The following PHF24 variants were observed in gnomAD, a reference collection of about 807,000 sequenced individuals.
The protein encoded by PHF24 is PHD finger protein 24.
PHF24 carries 25 observed loss-of-function variants against 42.6 expected under a neutral mutation model. The ratio of observed to expected loss-of-function variants is 0.59; its 90% CI spans 0.43 to 0.82. PHF24 has a LOEUF of 0.82. Among genes scored for constraint, PHF24 ranks in the 40% least tolerant of loss-of-function variants. PHF24 has a pLI of 0.00. For synonymous variants in PHF24, 185 were observed against 204.8 expected, an observed-to-expected ratio of 0.90 and a Z score of 0.83; for missense variants, 470 against 538.1, an observed-to-expected ratio of 0.87 and a Z score of 1.25.
the PHF24 span, among the ~76,000 whole-genome samples, chr9:34,682,621 G>T: frequency 1.3e-5 from 2 of 152,200 alleles, no homozygotes; most frequent in African/African-American, 4.8e-5. Context: ...GCCCCTTTCT[G>T]TGTTTGAGAA....
the PHF24 span, among the ~76,000 whole-genome samples, chr9:34,816,644 C>A: frequency 6.6e-6 from 1 of 152,224 alleles, no homozygotes; most frequent in Admixed American, 6.5e-5. Context: ...TATAAGGGCA[C>A]CAATCCCATT....
chr9:34,696,190 A>G, the PHF24 span, among the ~76,000 whole-genome samples: 1 of 152,108 alleles, frequency 6.6e-6, no homozygotes, highest in Non-Finnish European at 1.5e-5. Flanking sequence ...AAATTCCAAT[A>G]AAAAAGATAA....
the PHF24 span, among the ~76,000 whole-genome samples, chr9:34,842,317 G>T: frequency 3.3e-5 from 5 of 152,146 alleles, no homozygotes; most frequent in Non-Finnish European, 7.3e-5. Context: ...GTCTTTATAA[G>T]GACATGTATT....
At chr9:34,744,533 G>A in the PHF24 span, among the ~76,000 whole-genome samples, 1 of 152,126 alleles carries the variant, frequency 6.6e-6, no homozygotes, top group Non-Finnish European at 1.5e-5. Flanking sequence ...TTTCAACCTT[G>A]TTCATTTGTC....
chr9:34,820,238 A>C, the PHF24 span, among the ~76,000 whole-genome samples: 1 of 151,518 alleles, frequency 6.6e-6, no homozygotes, highest in Non-Finnish European at 1.5e-5. Context: ...TTTTAAAAAA[A>C]CTCTTATTTT....
chr9:34,716,390 C>A, the PHF24 span, among the ~76,000 whole-genome samples: 1 of 152,046 alleles, frequency 6.6e-6, no homozygotes, highest in East Asian at 1.9e-4. Context: ...ACAGGCGTAT[C>A]TTAGATGAGG....
At chr9:34,797,641 G>A in the PHF24 span, among the ~76,000 whole-genome samples, 2 of 151,764 alleles carry the variant, frequency 1.3e-5, no homozygotes, top group Non-Finnish European at 2.9e-5. Flanking sequence ...ATGGCTTCTC[G>A]ACATCTAGCT....
chr9:34,936,967 G>A, the PHF24 span, among the ~76,000 whole-genome samples: 134 of 150,860 alleles, frequency 8.9e-4, no homozygotes, highest in Non-Finnish European at 1.3e-3. Flanking sequence ...CACCCCGTCC[G>A]GGAGGGAGGT....
At chr9:34,755,566 AT>A in the PHF24 span, among the ~76,000 whole-genome samples, 1 of 151,948 alleles carries the variant, frequency 6.6e-6, no homozygotes, top group African/African-American at 2.4e-5. Flanking sequence ...CTCATTTTTA[AT>A]TGGATTGTTG....
At chr9:34,673,780 C>T in the PHF24 span, among the ~76,000 whole-genome samples, 2 of 152,160 alleles carry the variant, frequency 1.3e-5, no homozygotes, top group African/African-American at 2.4e-5. Flanking sequence ...CGCTGCCAAA[C>T]CTGGCTAATT....
In PHF24 at chr9:34,964,736, G is replaced by A. The variant is rs1292145826; in HGVS notation, c.-5+6335G>A. ...CTGCCTGACAAACACATCTAGACAT[G>A]CTTCTCTTACCCAAGACAGATTCTA... On this transcript the variant is annotated intron_variant, in intron 1 of 7. Transcript: ENST00000242315. Among the ~76,000 whole-genome samples, 4 of 152,206 alleles carry A rather than the reference G, an allele frequency of 2.6e-5. No homozygotes were observed. The East Asian group carries it at 7.7e-4, about 29-fold the overall frequency.
the PHF24 span, among the ~76,000 whole-genome samples, chr9:34,684,135 TTTTG>T: frequency 1.3e-5 from 2 of 152,186 alleles, no homozygotes; most frequent in Non-Finnish European, 2.9e-5. Flanking sequence ...TGATCCACAC[TTTTG>T]TTTATTTGCC....
chr9:34,814,665 T>C, the PHF24 span, among the ~76,000 whole-genome samples: 27 of 152,104 alleles, frequency 1.8e-4, no homozygotes, highest in Non-Finnish European at 3.2e-4. Flanking sequence ...GACTTGGGAG[T>C]CTTGGATCTT....
chr9:34,734,936 T>G, the PHF24 span, among the ~76,000 whole-genome samples: 1 of 152,102 alleles, frequency 6.6e-6, no homozygotes, highest in Non-Finnish European at 1.5e-5. Context: ...CAAAGTAATA[T>G]TAGAGAAACC....
the PHF24 span, among the ~76,000 whole-genome samples, chr9:34,815,486 C>G: frequency 2.0e-5 from 3 of 152,148 alleles, no homozygotes; most frequent in Non-Finnish European, 1.5e-5. Context: ...CCACGCCCAG[C>G]TAATTTTTTG....
the PHF24 span, among the ~76,000 whole-genome samples, chr9:34,790,907 G>C: frequency 6.6e-6 from 1 of 152,230 alleles, no homozygotes. Context: ...TAGCAAGCAG[G>C]CCAGTGTGAC....
At chr9:34,673,823 A>G in the PHF24 span, among the ~76,000 whole-genome samples, 1 of 152,040 alleles carries the variant, frequency 6.6e-6, no homozygotes, top group African/African-American at 2.4e-5. Context: ...GGGTTTCACC[A>G]TGTTAGCCAG....
chr9:34,840,303 T>C, the PHF24 span, among the ~76,000 whole-genome samples: 2 of 152,176 alleles, frequency 1.3e-5, no homozygotes, highest in Admixed American at 6.5e-5. Flanking sequence ...CAGGTTCTTG[T>C]GTATCTTTCC....
the PHF24 span, among the ~76,000 whole-genome samples, chr9:34,732,760 T>TG: frequency 6.6e-6 from 1 of 152,214 alleles, no homozygotes; most frequent in East Asian, 1.9e-4. Flanking sequence ...TAATTTAGCA[T>TG]GGGAAGCATA....
Sources: gnomAD v4.1 joint callset for allele counts (sites outside exome capture counted in the v4.1 genomes callset) on GRCh38, gnomAD v4.1.1 for gene constraint, MANE v1.5 for transcripts, NCBI Gene and HGNC (gene_info 2026-07-23, HGNC 2026-07-21) for gene names.